VTA1: variants seen among roughly 807,000 people sequenced by gnomAD.
The protein encoded by VTA1 is vacuolar protein sorting-associated protein VTA1 homolog.
A neutral mutation model predicts 36.9 loss-of-function variants in VTA1; 24 were observed. The observed-to-expected ratio is 0.65, with a 90% confidence interval of 0.47 to 0.91. VTA1 has a LOEUF of 0.91. VTA1 is among the 40% of genes least tolerant of loss of function. The pLI, the probability that VTA1 is intolerant of heterozygous loss-of-function variation, is 0.00. For synonymous variants in VTA1, 142 were observed against 130.2 expected (o/e 1.09, Z -0.62); for missense variants, 393 against 377.2 (o/e 1.04, Z -0.35).
chr6:142,218,483 T>C lies in VTA1; in HGVS notation c.779-15T>C. ...TATATTCTTATAAATATCCCAATTGTTCTTTTTCTTCTAGGGGATGTTCGT... is the reference window on the plus strand; with the variant it reads ...TATATTCTTATAAATATCCCAATTGCTCTTTTTCTTCTAGGGGATGTTCGT... On this transcript the variant is annotated splice_polypyrimidine_tract_variant and intron_variant, in intron 7 of 7. Coordinates refer to ENST00000367630, the MANE Select transcript of VTA1 (RefSeq NM_016485.5). The C allele has an allele frequency of 6.2e-7, 1 of 1,611,240 alleles. No individual in the cohort carries two copies. The highest frequency in any genetic ancestry group is 8.5e-7 in the Non-Finnish European group (1 of 1,179,086).
At chr6:142,181,094 A>AAATATATATATATATATATATATATAT (rs1471429927) in intron 4 of VTA1, among the ~76,000 whole-genome samples, 2 of 36,436 alleles carry the variant, frequency 5.5e-5, no homozygotes, top group Non-Finnish European at 1.2e-4. Context: ...AAAAAAAAAA[A>AAATATATATATATATATATATATATAT]ATATATATAT....
Position 142,220,363 on chromosome 6 carries a change from AC to A in VTA1, c.*1723del, listed in dbSNP as rs1776085399. The A allele has an allele frequency of 6.6e-6, 1 of 152,098 alleles. No homozygotes were observed. Among genetic ancestry groups the A allele is most frequent in the African/African-American group, 2.4e-5 (1 of 41,422 alleles). 9.4% of individuals were successfully genotyped at this position (152,098 alleles called of 1,614,324 possible). A position where few individuals can be genotyped will look rare whatever the true frequency, so the allele number is the denominator to read the frequency against. The stretch of plus-strand genomic sequence containing the variant: ...GTAAACGCATCACCTCCTATTTTAT[AC>A]CCTACCTTCTGGTTCCCAATTGGGA... On this transcript the variant is annotated 3_prime_UTR_variant, in exon 8 of 8. Transcript: ENST00000367630.
At chr6:142,166,456 T>A in intron 2 of VTA1, 134 bp downstream of exon 2, 1 of 576,948 alleles carries the variant, frequency 1.7e-6, no homozygotes, top group Non-Finnish European at 3.0e-6. Flanking sequence ...GAGGAAAAAC[T>A]AGTAATAATT....
At chr6:142,173,791 A>C (rs1457331138) in intron 4 of VTA1, among the ~76,000 whole-genome samples, 1 of 152,176 alleles carries the variant, frequency 6.6e-6, no homozygotes, top group Non-Finnish European at 1.5e-5. Context: ...TTAATGAAGA[A>C]CCATCTTCCT....
intron 7 of VTA1, among the ~76,000 whole-genome samples, chr6:142,212,506 TA>T (rs1775923508): frequency 6.6e-6 from 1 of 151,272 alleles, no homozygotes; most frequent in Non-Finnish European, 1.5e-5. Flanking sequence ...TGCCAAGAGT[TA>T]GGGGGAGAGG....
intron 1 of VTA1, among the ~76,000 whole-genome samples, chr6:142,159,478 GTATTATTATTATTATTAT>G (rs199893577): frequency 4.0e-4 from 54 of 134,842 alleles, no homozygotes; most frequent in South Asian, 1.8e-3. Flanking sequence ...TTCATTTCAG[GTATTATTATTATTATTAT>G]TATTATTATT....
intron 1 of VTA1, 32 bp from the exon 2 acceptor site, chr6:142,166,196 A>C (rs771947281): frequency 6.8e-7 from 1 of 1,470,662 alleles, no homozygotes; most frequent in African/African-American, 1.4e-5. Context: ...TTAAAAATGA[A>C]ATTGTTCAAA....
chr6:142,181,457 A>G (rs199937360), intron 4 of VTA1, among the ~76,000 whole-genome samples: 8 of 59,164 alleles, frequency 1.4e-4, no homozygotes, highest in African/African-American at 1.3e-3. Context: ...TTTATATTTT[A>G]TATATATATA....
chr6:142,221,755 T>G lies in VTA1; in HGVS notation c.*3112T>G, dbSNP rs1476141728. On this transcript the variant is annotated 3_prime_UTR_variant, in exon 8 of 8. Transcript: ENST00000367630. ...ATCATCTGAGGTCAGGAGTATATAT[T>G]TATTAATATATAAATATGTATTTAT... The G allele has an allele frequency of 6.7e-6, 1 of 148,684 alleles. No homozygotes were observed. The highest frequency in any genetic ancestry group is 1.5e-5 in the Non-Finnish European group (1 of 67,404). 9.2% of individuals were successfully genotyped at this position (148,684 alleles called of 1,614,324 possible).
chr6:142,204,315 C>T lies in VTA1; in HGVS notation c.778+250C>T, dbSNP rs149348872. 6.7e-3 allele frequency among the ~76,000 whole-genome samples: 1,015 copies of T among 152,076 alleles called. 5 individuals are homozygous for T. The highest frequency in any genetic ancestry group is 9.6e-3 in the Non-Finnish European group (651 of 67,986). On this transcript the variant is annotated intron_variant, in intron 7 of 7. Transcript: ENST00000367630. ...TACAGTTCTTTTTTTCATGCACTACCGGATATTGAAGAACAAACATGGAGC... is the reference window on the plus strand; with the variant it reads ...TACAGTTCTTTTTTTCATGCACTACTGGATATTGAAGAACAAACATGGAGC...
intron 4 of VTA1, among the ~76,000 whole-genome samples, chr6:142,173,258 C>T (rs1002412519): frequency 6.6e-6 from 1 of 152,064 alleles, no homozygotes; most frequent in African/African-American, 2.4e-5. Flanking sequence ...AAATAAATAC[C>T]CTTGGTAAAC....
chr6:142,183,095 G>C (rs1775273651), intron 4 of VTA1, among the ~76,000 whole-genome samples: 1 of 152,184 alleles, frequency 6.6e-6, no homozygotes, highest in Admixed American at 6.5e-5. Flanking sequence ...ATGCTGATAG[G>C]CGTCAAGGAA....
intron 1 of VTA1, among the ~76,000 whole-genome samples, chr6:142,154,230 G>A (rs1231382325): frequency 1.3e-5 from 2 of 152,102 alleles, no homozygotes; most frequent in South Asian, 2.1e-4. Context: ...CATTTAAAAT[G>A]TTCTATTAAA....
intron 4 of VTA1, among the ~76,000 whole-genome samples, chr6:142,176,269 C>T (rs2114651536): frequency 6.6e-6 from 1 of 152,228 alleles, no homozygotes; most frequent in South Asian, 2.1e-4. Context: ...ATGAAAATTA[C>T]AGGTGAAAGA....
intron 1 of VTA1, among the ~76,000 whole-genome samples, chr6:142,153,287 A>G (rs1778602162): frequency 6.6e-6 from 1 of 152,052 alleles, no homozygotes; most frequent in Admixed American, 6.6e-5. Context: ...GACATGTTAG[A>G]TAACCTGTAA....
chr6:142,183,283 C>T (rs1440166037), intron 4 of VTA1, among the ~76,000 whole-genome samples: 3 of 152,120 alleles, frequency 2.0e-5, no homozygotes, highest in Admixed American at 1.3e-4. Context: ...TTAGAGACAG[C>T]TGGTGTAAAA....
chr6:142,151,229 T>C (rs225627), intron 1 of VTA1, among the ~76,000 whole-genome samples: 121,186 of 152,134 alleles, frequency 0.8, 48,591 homozygotes, highest in East Asian at 0.97. Context: ...GGGACAGGGA[T>C]GTGGAGGGAC....
At chr6:142,158,904 C>T (rs1312854244) in intron 1 of VTA1, among the ~76,000 whole-genome samples, 3 of 152,108 alleles carry the variant, frequency 2.0e-5, no homozygotes, top group Non-Finnish European at 4.4e-5. Context: ...CCTCTCATAT[C>T]CTTTGCCTAT....
At chr6:142,157,746 A>G (rs996838601) in intron 1 of VTA1, among the ~76,000 whole-genome samples, 2 of 152,084 alleles carry the variant, frequency 1.3e-5, no homozygotes, top group Non-Finnish European at 2.9e-5. Context: ...TTCAATAACT[A>G]TGCTTGATAT....
Sources: allele counts gnomAD v4.1 joint callset (sites outside exome capture counted in the v4.1 genomes callset), GRCh38; gene constraint gnomAD v4.1.1; transcripts MANE v1.5; gene names NCBI Gene and HGNC (gene_info 2026-07-23, HGNC 2026-07-21).